Variants in IMMP2L observed in about 807,000 individuals in gnomAD.
The protein encoded by IMMP2L is inner mitochondrial membrane peptidase subunit 2.
IMMP2L carries 18 observed loss-of-function variants against 19.3 expected under a neutral mutation model. The ratio of observed to expected loss-of-function variants is 0.93; its 90% CI spans 0.64 to 1.38. The LOEUF (loss-of-function observed/expected upper bound fraction) is 1.38. Among genes scored for constraint, IMMP2L ranks in the 40% most tolerant of loss-of-function variants. The probability of loss-of-function intolerance (pLI) is 0.00; values close to 1 mark genes in which losing one functional copy is unlikely to be tolerated. For synonymous variants in IMMP2L, 76 were observed against 73.0 expected (o/e 1.04, Z -0.21); for missense variants, 233 against 218.2 (o/e 1.07, Z -0.43).
intron 3 of IMMP2L, among the ~76,000 whole-genome samples, chr7:111,070,228 C>A (rs1794837797): frequency 6.6e-6 from 1 of 152,106 alleles, no homozygotes; most frequent in Non-Finnish European, 1.5e-5. Context: ...ATACTGAGCA[C>A]CACAAAACTA....
intron 5 of IMMP2L, among the ~76,000 whole-genome samples, chr7:110,858,200 A>T (rs1343214281): frequency 6.6e-6 from 1 of 152,096 alleles, no homozygotes; most frequent in African/African-American, 2.4e-5. Flanking sequence ...AATCTCAAAT[A>T]ACAATTACAG....
At position 111,557,851 on chromosome 7, in the gene IMMP2L, G is replaced by T. The variant is rs1459538673; in HGVS notation, c.-3+4000C>A. Among the ~76,000 whole-genome samples the T allele has an allele frequency of 3.3e-5, 5 of 152,008 alleles. No homozygotes were observed. The East Asian group carries it at 9.7e-4, about 29-fold the overall frequency. The stretch of plus-strand genomic sequence containing the variant: ...ATATACTAAAAAAAGGAGGGGCGAG[G>T]TTAATGAATAAGGTACGAGTCAATG... On this transcript the variant is annotated intron_variant, in intron 1 of 5. Coordinates refer to ENST00000405709, the MANE Select transcript of IMMP2L (RefSeq NM_032549.4).
At position 110,902,728 on chromosome 7, in the gene IMMP2L, TC is replaced by T. The variant is rs1812023004; in HGVS notation, c.306-16034del. ...TCACGAGGTCAGGAGATCGAGACCA[TC>T]CCGGCTAAAACGGTGAAACCCCGTC... On this transcript the variant is annotated intron_variant, in intron 4 of 5. Coordinates refer to ENST00000405709, the MANE Select transcript of IMMP2L (RefSeq NM_032549.4). Among the ~76,000 whole-genome samples the T allele has an allele frequency of 5.0e-5, 2 of 40,184 alleles. 1 individual carries two copies. The highest frequency in any genetic ancestry group is 8.4e-5 in the Non-Finnish European group (2 of 23,706). 26.4% of individuals were successfully genotyped at this position (40,184 alleles called of 152,430 possible). A position where few individuals can be genotyped will look rare whatever the true frequency, so the allele number is the denominator to read the frequency against.
At chr7:110,799,924 G>T (rs1786380063) in intron 5 of IMMP2L, among the ~76,000 whole-genome samples, 1 of 152,048 alleles carries the variant, frequency 6.6e-6, no homozygotes, top group Admixed American at 6.6e-5. Flanking sequence ...ATCACTCCAT[G>T]ACAATGAGGG....
Position 111,545,720 on chromosome 7 carries a change from T to G in IMMP2L, c.-3+16131A>C, listed in dbSNP as rs190744974. 1.3e-4 allele frequency among the ~76,000 whole-genome samples: 20 copies of G among 152,306 alleles called. No individual in the cohort carries two copies. In the East Asian group the frequency reaches 1.9e-3, roughly 15 times the overall value. On this transcript the variant is annotated intron_variant, in intron 1 of 5. Coordinates refer to ENST00000405709, the MANE Select transcript of IMMP2L (RefSeq NM_032549.4). ...GATTCTTTTTAAATTCATTTCTCTA[T>G]TCCCTAATTTCTCAGAGTTGGCTAT...
intron 3 of IMMP2L, among the ~76,000 whole-genome samples, chr7:111,298,141 A>G (rs941933725): frequency 6.6e-6 from 1 of 152,192 alleles, no homozygotes; most frequent in Non-Finnish European, 1.5e-5. Context: ...TTATGTACAC[A>G]TGGCAACATG....
chr7:111,336,495 G>A (rs1251427684), intron 3 of IMMP2L, among the ~76,000 whole-genome samples: 1 of 151,940 alleles, frequency 6.6e-6, no homozygotes, highest in Non-Finnish European at 1.5e-5. Flanking sequence ...TCTTTGATTT[G>A]GGGTGGATCT....
At chr7:111,283,600 A>G (rs1369791152) in intron 3 of IMMP2L, among the ~76,000 whole-genome samples, 2 of 152,110 alleles carry the variant, frequency 1.3e-5, no homozygotes, top group Non-Finnish European at 2.9e-5. Flanking sequence ...TTAGGGCCAG[A>G]TTGTTAATAA....
chr7:110,769,086 A>G (rs976872395), intron 5 of IMMP2L, among the ~76,000 whole-genome samples: 7 of 152,168 alleles, frequency 4.6e-5, no homozygotes, highest in Admixed American at 2.6e-4. Context: ...ACAATTTCAT[A>G]TATTCCTCTG....
chr7:111,157,473 C>T (rs762490089), intron 3 of IMMP2L, among the ~76,000 whole-genome samples: 2 of 151,922 alleles, frequency 1.3e-5, no homozygotes, highest in African/African-American at 4.8e-5. Context: ...ATAAACTAGG[C>T]ACGAAAAGAC....
At chr7:110,971,535 G>A (rs191716471) in intron 3 of IMMP2L, among the ~76,000 whole-genome samples, 7 of 152,134 alleles carry the variant, frequency 4.6e-5, no homozygotes, top group East Asian at 1.9e-4. Context: ...CCCTGATGCC[G>A]TCACACAATA....
chr7:110,855,049 A>G (rs1430653705), intron 5 of IMMP2L, among the ~76,000 whole-genome samples: 1 of 151,996 alleles, frequency 6.6e-6, no homozygotes, highest in African/African-American at 2.4e-5. Context: ...TTCTATCACA[A>G]TTTAAGAAAA....
chr7:110,743,707 C>G (rs1257000755), intron 5 of IMMP2L, among the ~76,000 whole-genome samples: 2 of 152,200 alleles, frequency 1.3e-5, no homozygotes, highest in African/African-American at 4.8e-5. Flanking sequence ...CCTCTCCCAG[C>G]CAAGGGAAGC....
At chr7:110,674,484 T>C (rs1376528200) in intron 5 of IMMP2L, among the ~76,000 whole-genome samples, 3 of 152,204 alleles carry the variant, frequency 2.0e-5, no homozygotes, top group Non-Finnish European at 4.4e-5. Context: ...AAATATTTTG[T>C]AAGCAGGAGA....
At chr7:110,902,479 A>AATATATATATATAT (rs67367468) in intron 4 of IMMP2L, among the ~76,000 whole-genome samples, 56 of 140,544 alleles carry the variant, frequency 4.0e-4, no homozygotes, top group African/African-American at 1.3e-3. Context: ...TGAATGATAA[A>AATATATATATATAT]ATATATATAT....
At chr7:111,136,130 G>A (rs1161614049) in intron 3 of IMMP2L, among the ~76,000 whole-genome samples, 1 of 151,692 alleles carries the variant, frequency 6.6e-6, no homozygotes, top group African/African-American at 2.4e-5. Flanking sequence ...CTGGGTTCAT[G>A]CAATTCTCTG....
Position 111,268,569 on chromosome 7 carries a change from C to CTTTTTTTTTTTTTTTTT in IMMP2L, c.239+218652_239+218668dup, listed in dbSNP as rs762576425. On this transcript the variant is annotated intron_variant, in intron 3 of 5. Coordinates refer to ENST00000405709, the MANE Select transcript of IMMP2L (RefSeq NM_032549.4). ...GATATGAGTTAAACTTCACATTTCT[C>CTTTTTTTTTTTTTTTTT]TTTTTTTTTTTTTTTTTTTTTTTTT... Among the ~76,000 whole-genome samples, 8 of 44,592 alleles carry CTTTTTTTTTTTTTTTTT rather than the reference C, an allele frequency of 1.8e-4. 1 individual carries two copies. Among genetic ancestry groups the CTTTTTTTTTTTTTTTTT allele is most frequent in the East Asian group, 7.6e-4 (1 of 1,324 alleles). The allele number at this position is 44,592 out of a possible 152,430, so 29.3% of individuals were successfully genotyped here. A position where few individuals can be genotyped will look rare whatever the true frequency, so the allele number is the denominator to read the frequency against.
chr7:111,145,355 C>G (rs1803354313), intron 3 of IMMP2L, among the ~76,000 whole-genome samples: 1 of 151,838 alleles, frequency 6.6e-6, no homozygotes. Context: ...GGCTGTTGTG[C>G]CTTTTCAATT....
At chr7:110,687,912 T>A (rs1468530693) in intron 5 of IMMP2L, among the ~76,000 whole-genome samples, 1 of 151,934 alleles carries the variant, frequency 6.6e-6, no homozygotes, top group African/African-American at 2.4e-5. Context: ...CTTTGTCCAA[T>A]TCTGGGCATA....
Sources: gnomAD v4.1 joint callset for allele counts (sites outside exome capture counted in the v4.1 genomes callset) on GRCh38, gnomAD v4.1.1 for gene constraint, MANE v1.5 for transcripts, NCBI Gene and HGNC (gene_info 2026-07-23, HGNC 2026-07-21) for gene names.